The following RSBN1 variants were observed in gnomAD, a reference collection of about 807,000 sequenced individuals.
RSBN1 encodes the protein round spermatid basic protein 1, also known as lysine-specific demethylase 9.
A neutral mutation model predicts 74.8 loss-of-function variants in RSBN1; 23 were observed. The ratio of observed to expected loss-of-function variants is 0.31; its 90% CI spans 0.22 to 0.44. The LOEUF is 0.44. RSBN1 is among the 20% of genes least tolerant of loss of function. The pLI is 1.00. For missense variants in RSBN1, 808 were observed against 1,020.9 expected (o/e 0.79, Z 2.84); for synonymous variants, 407 against 379.6 (o/e 1.07, Z -0.84).
intron 2 of RSBN1, among the ~76,000 whole-genome samples, chr1:113,783,789 C>T (rs151318419): frequency 6.6e-5 from 10 of 152,216 alleles, no homozygotes; most frequent in Admixed American, 6.5e-4. Context: ...GTAGGAACGA[C>T]AAAAATTAAA....
intron 6 of RSBN1, 102 bp downstream of exon 6, chr1:113,766,997 C>A: frequency 1.4e-3 from 584 of 431,584 alleles, no homozygotes; most frequent in East Asian, 2.7e-3. Context: ...TAAAATTAAA[C>A]TCACTATCCC....
chr1:113,780,154 T>C (rs1473803231), intron 2 of RSBN1, among the ~76,000 whole-genome samples: 1 of 152,248 alleles, frequency 6.6e-6, no homozygotes, highest in Non-Finnish European at 1.5e-5. Context: ...AGACCTATCA[T>C]GATCTTTTTA....
intron 4 of RSBN1, among the ~76,000 whole-genome samples, chr1:113,768,944 T>C (rs1366191829): frequency 6.6e-6 from 1 of 151,688 alleles, no homozygotes; most frequent in Non-Finnish European, 1.5e-5. Context: ...ATATATATAC[T>C]TTTTTTAAAA....
In RSBN1 at chr1:113,805,371, C is replaced by T. The variant is rs558567289; in HGVS notation, c.703+6339G>A. 3.9e-5 allele frequency among the ~76,000 whole-genome samples: 6 copies of T among 152,238 alleles called. No individual in the cohort carries two copies. In the South Asian group the frequency reaches 1.0e-3, roughly 26 times the overall value. On this transcript the variant is annotated intron_variant, in intron 1 of 6. Coordinates refer to ENST00000261441, the MANE Select transcript of RSBN1 (RefSeq NM_018364.5). ...GGGAATACAGGCATGAGCCACCGCG[C>T]CCGGCCTGTCCTATGTTTTTATGAG... is the stretch of plus-strand genomic sequence containing the variant.
chr1:113,777,114 G>T (rs1056092386), intron 4 of RSBN1, 96 bp downstream of exon 4: 41 of 1,087,376 alleles, frequency 3.8e-5, no homozygotes, highest in Non-Finnish European at 5.2e-5. Context: ...TTACTTAAGG[G>T]AGCCCAAGAC....
chr1:113,802,024 G>A (rs182037245), intron 1 of RSBN1, among the ~76,000 whole-genome samples: 2 of 150,918 alleles, frequency 1.3e-5, no homozygotes, highest in East Asian at 1.9e-4. Flanking sequence ...GCGCAATCTC[G>A]GCTCACTGCA....
rs1175911871 is a variant in RSBN1 at position 113,763,269 on chromosome 1, C to T, written c.*2711G>A. 3 of 152,716 alleles carry T rather than the reference C, an allele frequency of 2.0e-5. No homozygotes were observed. The highest frequency in any genetic ancestry group is 7.2e-5 in the African/African-American group (3 of 41,436). The allele number at this position is 152,716 out of a possible 1,614,324, so 9.5% of individuals were successfully genotyped here. ...CCATAAGCACATTTAAAAACCATCC[C>T]TCTGCTCCACAAAATATTAAAACTT... On this transcript the variant is annotated 3_prime_UTR_variant, in exon 7 of 7. Coordinates refer to ENST00000261441, the MANE Select transcript of RSBN1 (RefSeq NM_018364.5).
At chr1:113,788,363 AG>A (rs1189888869) in intron 2 of RSBN1, among the ~76,000 whole-genome samples, 3 of 152,136 alleles carry the variant, frequency 2.0e-5, no homozygotes, top group Non-Finnish European at 2.9e-5. Flanking sequence ...GGTGGGGGGT[AG>A]GGTTCAACTG....
chr1:113,806,990 G>A (rs1024103967), intron 1 of RSBN1, among the ~76,000 whole-genome samples: 2 of 151,872 alleles, frequency 1.3e-5, no homozygotes, highest in Non-Finnish European at 2.9e-5. Flanking sequence ...TGCAGCCTGG[G>A]TAACTGAGTG....
intron 2 of RSBN1, among the ~76,000 whole-genome samples, chr1:113,783,290 G>C (rs190646974): frequency 0.014 from 2,172 of 150,296 alleles, 61 homozygotes; most frequent in African/African-American, 0.052. Context: ...AAAAAGGGGT[G>C]GAGGGGGAGA....
intron 4 of RSBN1, among the ~76,000 whole-genome samples, chr1:113,770,354 G>T (rs1659865064): frequency 6.6e-6 from 1 of 152,166 alleles, no homozygotes; most frequent in Non-Finnish European, 1.5e-5. Flanking sequence ...GAAAAGGAAA[G>T]AATCTGGTCC....
chr1:113,806,888 G>A (rs564892762), intron 1 of RSBN1, among the ~76,000 whole-genome samples: 7 of 149,858 alleles, frequency 4.7e-5, no homozygotes, highest in African/African-American at 9.8e-5. Flanking sequence ...TGGTGCACAC[G>A]TGTGGTCTCA....
At chr1:113,786,539 G>GA (rs898729209) in intron 2 of RSBN1, among the ~76,000 whole-genome samples, 2 of 152,134 alleles carry the variant, frequency 1.3e-5, no homozygotes, top group Non-Finnish European at 2.9e-5. Flanking sequence ...CATAGCCTGG[G>GA]GTAATATACT....
intron 1 of RSBN1, among the ~76,000 whole-genome samples, chr1:113,799,695 G>C (rs1571309047): frequency 6.6e-6 from 1 of 151,588 alleles, no homozygotes; most frequent in East Asian, 1.9e-4. Context: ...TAGCTTTTCT[G>C]CTTATCTGTA....
At chr1:113,779,220 C>A (rs910750521) in intron 2 of RSBN1, among the ~76,000 whole-genome samples, 1 of 152,092 alleles carries the variant, frequency 6.6e-6, no homozygotes, top group African/African-American at 2.4e-5. Flanking sequence ...TTAAATACCA[C>A]CTATTTTGCC....
At chr1:113,810,235 T>TA (rs750479128) in intron 1 of RSBN1, among the ~76,000 whole-genome samples, 1 of 152,222 alleles carries the variant, frequency 6.6e-6, no homozygotes, top group Non-Finnish European at 1.5e-5. Context: ...TTCACCTTTT[T>TA]AAAAAATATT....
chr1:113,800,657 G>C (rs1226831965), intron 1 of RSBN1, among the ~76,000 whole-genome samples: 1 of 152,068 alleles, frequency 6.6e-6, no homozygotes, highest in Non-Finnish European at 1.5e-5. Context: ...TTGTGACCTA[G>C]ATCTGCCACT....
In RSBN1 at chr1:113,762,082, G is replaced by C. The variant is rs1302513176; in HGVS notation, c.*3898C>G. 6.6e-6 allele frequency: 1 copy of C among 152,630 alleles called. No individual in the cohort carries two copies. Among genetic ancestry groups the C allele is most frequent in the Non-Finnish European group, 1.5e-5 (1 of 68,010 alleles). 9.5% of individuals were successfully genotyped at this position (152,630 alleles called of 1,614,324 possible). A position where few individuals can be genotyped will look rare whatever the true frequency, so the allele number is the denominator to read the frequency against. On this transcript the variant is annotated 3_prime_UTR_variant, in exon 7 of 7. Coordinates refer to ENST00000261441, the MANE Select transcript of RSBN1 (RefSeq NM_018364.5). ...GCCACACAACGCAAATAGTCCGCCAGGCAAATATACATTTCATCTATATGC... is the reference window on the plus strand; with the variant it reads ...GCCACACAACGCAAATAGTCCGCCACGCAAATATACATTTCATCTATATGC...
chr1:113,773,206 C>T (rs1659915406), intron 4 of RSBN1, among the ~76,000 whole-genome samples: 2 of 151,910 alleles, frequency 1.3e-5, no homozygotes, highest in African/African-American at 4.8e-5. Flanking sequence ...AATAAGAAAC[C>T]CCTCAAAAAA....
Sources: allele counts gnomAD v4.1 joint callset (sites outside exome capture counted in the v4.1 genomes callset), GRCh38; gene constraint gnomAD v4.1.1; transcripts MANE v1.5; gene names NCBI Gene and HGNC (gene_info 2026-07-23, HGNC 2026-07-21).